Variants in SUFU observed in about 807,000 individuals in gnomAD.
SUFU encodes suppressor of fused homolog.
Under a neutral mutation model 58.9 loss-of-function variants are expected in SUFU, and 7 were observed. The observed-to-expected ratio is 0.12, with a 90% CI of 0.07 to 0.22. SUFU has a LOEUF of 0.22. Ranked by LOEUF, SUFU falls within the 10% of genes least tolerant of loss-of-function variation. The pLI is 1.00. For missense variants in SUFU, 451 were observed against 641.3 expected, an observed-to-expected ratio of 0.70 and a Z score of 3.20; for synonymous variants, 232 against 254.8, an observed-to-expected ratio of 0.91 and a Z score of 0.85.
chr10:102,623,608 C>T (rs2063761041), intron 10 of SUFU, among the ~76,000 whole-genome samples: 1 of 152,230 alleles, frequency 6.6e-6, no homozygotes, highest in South Asian at 2.1e-4. Flanking sequence ...AAAGAGCATC[C>T]TCTATCACCA....
intron 3 of SUFU, among the ~76,000 whole-genome samples, chr10:102,564,415 C>T (rs1268564197): frequency 6.6e-6 from 1 of 151,656 alleles, no homozygotes; most frequent in African/African-American, 2.4e-5. Context: ...TTACTGCAGC[C>T]TCCACCTCCT....
intron 8 of SUFU, among the ~76,000 whole-genome samples, chr10:102,601,498 T>A (rs2063514923): frequency 6.6e-6 from 1 of 152,224 alleles, no homozygotes; most frequent in South Asian, 2.1e-4. Flanking sequence ...CCTGAAGGTT[T>A]AGTGCCCAGT....
rs1590093370 is a variant in SUFU at position 102,628,706 on chromosome 10, G to T, written c.1366-1360G>T. 6.6e-6 allele frequency among the ~76,000 whole-genome samples: 1 copy of T among 152,158 alleles called. No individual in the cohort carries two copies. Among genetic ancestry groups the T allele is most frequent in the Non-Finnish European group, 1.5e-5 (1 of 68,034 alleles). ...ACACCCTGCCTCACTCGCCACTTTG[G>T]TCCTGGCAGAGACAGTCCCCCAGCA... On this transcript the variant is annotated intron_variant, in intron 11 of 11. Transcript: ENST00000369902. This position sits in a 1 kb window ranked among gnomAD's most constrained non-coding sequence, Gnocchi z 4.5.
chr10:102,567,333 A>AG (rs1554849028), intron 3 of SUFU, among the ~76,000 whole-genome samples: 7 of 151,978 alleles, frequency 4.6e-5, no homozygotes, highest in Non-Finnish European at 1.0e-4. Flanking sequence ...AGAAAAAAAA[A>AG]GGCCAGGGCA....
rs573085404 is a variant in SUFU, at chr10:102,534,213, G to A, written c.318-15757G>A. Among the ~76,000 whole-genome samples the A allele has an allele frequency of 7.0e-4, 106 of 152,306 alleles. 1 individual carries two copies. The highest frequency in any genetic ancestry group is 1.2e-3 in the Non-Finnish European group (84 of 68,010). On this transcript the variant is annotated intron_variant, in intron 2 of 11. Transcript: ENST00000369902. ...GGAGGCTGAGGCGGGTGGATCACTA[G>A]GTCAGGAGATCGAGACCACCCTGGC...
intron 2 of SUFU, among the ~76,000 whole-genome samples, chr10:102,519,443 C>T (rs1287647606): frequency 1.3e-5 from 2 of 150,172 alleles, no homozygotes; most frequent in Non-Finnish European, 3.0e-5. Flanking sequence ...AGGAGAATGG[C>T]TTGAACCCAC....
intron 3 of SUFU, among the ~76,000 whole-genome samples, chr10:102,577,080 C>CTTTTTTTTTTTTTTTTTTTTTTTTTTT (rs10656431): frequency 1.0e-5 from 1 of 97,086 alleles, no homozygotes; most frequent in Non-Finnish European, 2.2e-5. Flanking sequence ...TGGATTTTTT[C>CTTTTTTTTTTTTTTTTTTTTTTTTTTT]TTTTCTTTTT....
At chr10:102,524,785 T>C (rs1448100695) in intron 2 of SUFU, among the ~76,000 whole-genome samples, 1 of 152,268 alleles carries the variant, frequency 6.6e-6, no homozygotes, top group Non-Finnish European at 1.5e-5. Context: ...AAGATAAGGA[T>C]GGAAATGTGC....
chr10:102,519,803 G>C (rs953842959), intron 2 of SUFU, among the ~76,000 whole-genome samples: 1 of 151,708 alleles, frequency 6.6e-6, no homozygotes, highest in African/African-American at 2.4e-5. Flanking sequence ...ATGGAGTCTC[G>C]CTCTGTCGCT....
rs551772204 is a variant in SUFU, at chr10:102,593,683, C to T, written c.645C>T (p.Asn215=). ...TEELHSAQQW[N]GQGILELLRT... ...AGCTACACTCAGCCCAGCAGTGGAA[C>T]GGGCAGGGCATCCTGGAGCTGCTGC... Residue 215 remains asparagine (N), a synonymous_variant, in exon 5 of 12, where the codon AAC becomes AAT. Coordinates refer to ENST00000369902, the MANE Select transcript of SUFU (RefSeq NM_016169.4). 324 of 1,614,202 alleles carry T rather than the reference C, an allele frequency of 2.0e-4. 3 individuals are homozygous for T. In the South Asian group the frequency reaches 3.1e-3, roughly 16 times the overall value.
intron 8 of SUFU, 119 bp downstream of exon 8, chr10:102,599,663 T>C (rs2063497814): frequency 1.1e-6 from 1 of 894,846 alleles, no homozygotes; most frequent in African/African-American, 1.6e-5. Flanking sequence ...GGGCCCAGGA[T>C]CTCTAGGCTT....
intron 3 of SUFU, chr10:102,572,637 C>A: frequency 2.0e-6 from 1 of 489,670 alleles, no homozygotes; most frequent in East Asian, 4.5e-5. Flanking sequence ...ATCCACCCTC[C>A]TTGGCCTCCC....
At position 102,577,927 on chromosome 10, in the gene SUFU, C is replaced by T. The variant is rs551138210; in HGVS notation, c.455-14655C>T. ...CCATCTCCTGACCTCGTGATCTGCC[C>T]GCCTCGGCCTCCCAAAGTGCTGGGA... On this transcript the variant is annotated intron_variant, in intron 3 of 11. Transcript: ENST00000369902. Among the ~76,000 whole-genome samples the T allele has an allele frequency of 3.6e-4, 51 of 141,870 alleles. No individual in the cohort carries two copies. The East Asian group carries it at 0.01, about 28-fold the overall frequency. 93.1% of individuals were successfully genotyped at this position (141,870 alleles called of 152,430 possible).
chr10:102,516,617 G>A lies in SUFU; in HGVS notation c.317+7314G>A, dbSNP rs971236606. ...GGCTGGAGTGCAGTGGCACGATCTC[G>A]GCTCACTGCAACCTCCACCTCCCGG... On this transcript the variant is annotated intron_variant, in intron 2 of 11. Coordinates refer to ENST00000369902, the MANE Select transcript of SUFU (RefSeq NM_016169.4). Among the ~76,000 whole-genome samples, 32 of 151,966 alleles carry A rather than the reference G, an allele frequency of 2.1e-4. No individual in the cohort carries two copies. In the East Asian group the frequency reaches 5.7e-3, roughly 27 times the overall value.
chr10:102,541,697 C>CTGTT (rs2062801977), intron 2 of SUFU, among the ~76,000 whole-genome samples: 1 of 56,094 alleles, frequency 1.8e-5, no homozygotes, highest in Non-Finnish European at 3.1e-5. Context: ...CCGCGCCCGG[C>CTGTT]TTTTTTTTTT....
intron 3 of SUFU, among the ~76,000 whole-genome samples, chr10:102,555,065 A>C (rs534361356): frequency 6.6e-6 from 1 of 152,098 alleles, no homozygotes; most frequent in Non-Finnish European, 1.5e-5. Flanking sequence ...TCAGGAGATC[A>C]AGACCATCCT....
At chr10:102,555,062 A>G (rs996315277) in intron 3 of SUFU, among the ~76,000 whole-genome samples, 1 of 152,038 alleles carries the variant, frequency 6.6e-6, no homozygotes, top group African/African-American at 2.4e-5. Flanking sequence ...AGGTCAGGAG[A>G]TCAAGACCAT....
chr10:102,575,640 G>C (rs2063205238), intron 3 of SUFU, among the ~76,000 whole-genome samples: 1 of 152,146 alleles, frequency 6.6e-6, no homozygotes, highest in African/African-American at 2.4e-5. Context: ...TGCTAGATTG[G>C]AGACTGAGTT....
rs185072800 is a variant in SUFU at position 102,509,103 on chromosome 10, C to A, written c.183-66C>A. 198,608 of 1,609,240 alleles carry A rather than the reference C, an allele frequency of 0.12. 16,675 individuals are homozygous for A. Among genetic ancestry groups the A allele is most frequent in the East Asian group, 0.44 (19,918 of 44,794 alleles). On this transcript the variant is annotated intron_variant, in intron 1 of 11. Transcript: ENST00000369902. ...GGTCCTTTAGGTTTACAAAGTAGAGCGCCTTAGCTTGACATTGTCTGATTT... is the reference window on the plus strand; with the variant it reads ...GGTCCTTTAGGTTTACAAAGTAGAGAGCCTTAGCTTGACATTGTCTGATTT...
Sources: allele counts gnomAD v4.1 joint callset (sites outside exome capture counted in the v4.1 genomes callset), GRCh38; gene constraint gnomAD v4.1.1; non-coding constraint Gnocchi (gnomAD v3.1); transcripts MANE v1.5; gene names NCBI Gene and HGNC (gene_info 2026-07-23, HGNC 2026-07-21).